Variants in GTF2H3 observed in about 807,000 individuals in gnomAD.
The protein encoded by GTF2H3 is general transcription factor IIH subunit 3, also known as TFIIH basal transcription factor complex p34 subunit.
Under a neutral mutation model 51.1 loss-of-function variants are expected in GTF2H3, and 42 were observed. The observed-to-expected ratio is 0.82, with a 90% CI of 0.64 to 1.06. The LOEUF is 1.06. Ranked by LOEUF, GTF2H3 falls within the 50% of genes least tolerant of loss-of-function variation. The pLI, the probability that GTF2H3 is intolerant of heterozygous loss-of-function variation, is 0.00. For synonymous variants in GTF2H3, 123 were observed against 123.8 expected (o/e 0.99, Z 0.04); for missense variants, 326 against 366.1 (o/e 0.89, Z 0.89).
At chr12:123,637,549 C>T (rs1955302581) in intron 1 of GTF2H3, among the ~76,000 whole-genome samples, 2 of 150,406 alleles carry the variant, frequency 1.3e-5, no homozygotes, top group Non-Finnish European at 2.9e-5. Flanking sequence ...GTCACCCAGG[C>T]TGGAGTGCAG....
At chr12:123,635,110 C>G (rs1248462552) in intron 1 of GTF2H3, among the ~76,000 whole-genome samples, 2 of 152,082 alleles carry the variant, frequency 1.3e-5, no homozygotes, top group African/African-American at 4.8e-5. Context: ...AATGAGGTAG[C>G]GAACTAAAGA....
At position 123,662,130 on chromosome 12, in the gene GTF2H3, T is replaced by G. The variant is rs1955665625; in HGVS notation, c.*1895T>G. ...AGCCTGGGCGACAAGAACAAAACTCTGTCTCAAAAAAAAAAAAAAAAAAAA... is the reference window on the plus strand; with the variant it reads ...AGCCTGGGCGACAAGAACAAAACTCGGTCTCAAAAAAAAAAAAAAAAAAAA... On this transcript the variant is annotated 3_prime_UTR_variant, in exon 13 of 13. Transcript: ENST00000543341. 1 of 124,350 alleles carries G rather than the reference T, an allele frequency of 8.0e-6. No individual in the cohort carries two copies. The highest frequency in any genetic ancestry group is 1.7e-5 in the Non-Finnish European group (1 of 59,498). 7.7% of individuals were successfully genotyped at this position (124,350 alleles called of 1,614,324 possible). A position where few individuals can be genotyped will look rare whatever the true frequency, so the allele number is the denominator to read the frequency against.
In GTF2H3 at chr12:123,656,589, G is replaced by A. The variant is rs142634119; in HGVS notation, c.615+765G>A. Among the ~76,000 whole-genome samples, 9 of 152,172 alleles carry A rather than the reference G, an allele frequency of 5.9e-5. No homozygotes were observed. The East Asian group carries it at 1.2e-3, about 20-fold the overall frequency. On this transcript the variant is annotated intron_variant, in intron 9 of 12. Coordinates refer to ENST00000543341, the MANE Select transcript of GTF2H3 (RefSeq NM_001516.5). ...GTGTACGTAGTACCTCCTCTTGGAC[G>A]TCTGGCAGGCATCTTCAGTGTCATG...
chr12:123,640,946 A>T (rs1226461378), intron 2 of GTF2H3, among the ~76,000 whole-genome samples: 1 of 152,096 alleles, frequency 6.6e-6, no homozygotes, highest in Non-Finnish European at 1.5e-5. Flanking sequence ...TTGCATGTCT[A>T]CTTGAAAAGA....
chr12:123,655,126 G>A, intron 8 of GTF2H3, 128 bp downstream of exon 8: 3 of 719,658 alleles, frequency 4.2e-6, no homozygotes, highest in Non-Finnish European at 7.2e-6. Flanking sequence ...TCCAGAATCT[G>A]TATTATGTTC....
At chr12:123,643,430 C>T (rs1955405983) in intron 2 of GTF2H3, among the ~76,000 whole-genome samples, 1 of 152,214 alleles carries the variant, frequency 6.6e-6, no homozygotes, top group African/African-American at 2.4e-5. Flanking sequence ...TGCCCTGTTA[C>T]TCCAGAAAGG....
chr12:123,657,784 A>T (rs1437795432), intron 9 of GTF2H3, among the ~76,000 whole-genome samples: 1 of 152,226 alleles, frequency 6.6e-6, no homozygotes, highest in Non-Finnish European at 1.5e-5. Flanking sequence ...AATCTAACGG[A>T]CCAACTGAAC....
At chr12:123,642,698 T>A (rs769928122) in intron 2 of GTF2H3, among the ~76,000 whole-genome samples, 16 of 152,182 alleles carry the variant, frequency 1.1e-4, no homozygotes, top group Non-Finnish European at 2.1e-4. Context: ...TTCCCCATGT[T>A]CTTATTGTCA....
At chr12:123,651,819 CAA>C (rs993644383) in intron 5 of GTF2H3, among the ~76,000 whole-genome samples, 18 of 93,884 alleles carry the variant, frequency 1.9e-4, no homozygotes, top group African/African-American at 1.6e-4. Context: ...GACTACATCT[CAA>C]AAAAAAAAAA....
At chr12:123,656,049 C>CTTTTTTTTTACT in intron 9 of GTF2H3, 1 of 397,032 alleles carries the variant, frequency 2.5e-6, no homozygotes, top group Middle Eastern at 6.9e-4. Context: ...AAGACAAAAA[C>CTTTTTTTTTACT]TGAATTTTAC....
Position 123,660,037 on chromosome 12 carries a change from A to G in GTF2H3, c.821-9A>G. ...CACCCTATTGTTTCTTTTTTTTTTTAATTTACAGTATTCTGCAATTTCAGC... is the reference window on the plus strand; with the variant it reads ...CACCCTATTGTTTCTTTTTTTTTTTGATTTACAGTATTCTGCAATTTCAGC... On this transcript the variant is annotated splice_polypyrimidine_tract_variant and intron_variant, in intron 11 of 12. Transcript: ENST00000543341. The G allele has an allele frequency of 1.3e-6, 2 of 1,582,214 alleles. No individual in the cohort carries two copies. The highest frequency in any genetic ancestry group is 2.4e-5 in the South Asian group (2 of 84,456).
At chr12:123,642,172 C>A (rs576568694) in intron 2 of GTF2H3, among the ~76,000 whole-genome samples, 37 of 116,640 alleles carry the variant, frequency 3.2e-4, no homozygotes, top group Non-Finnish European at 6.3e-4. Context: ...TTTTCTTTTT[C>A]TTTTCTTTTT....
At chr12:123,642,999 G>T (rs1316910483) in intron 2 of GTF2H3, among the ~76,000 whole-genome samples, 4 of 152,126 alleles carry the variant, frequency 2.6e-5, no homozygotes, top group Non-Finnish European at 4.4e-5. Flanking sequence ...AGCCTCCCGA[G>T]TAGCTGGGAC....
chr12:123,652,773 T>C, intron 7 of GTF2H3, 38 bp downstream of exon 7: 1 of 1,447,672 alleles, frequency 6.9e-7, no homozygotes, highest in African/African-American at 1.4e-5. Flanking sequence ...ATATGACAAC[T>C]ATAATTAGAA....
intron 2 of GTF2H3, chr12:123,639,892 T>TGCGC (rs1270659224): frequency 2.4e-6 from 1 of 411,992 alleles, no homozygotes; most frequent in Non-Finnish European, 4.7e-6. Flanking sequence ...TGTGTATGCG[T>TGCGC]GCGTGCGTGT....
rs1159133561 is a variant in GTF2H3 at position 123,662,417 on chromosome 12, A to G, written c.*2182A>G. ...TTTGTATACTAATTAAGTGTAATGG[A>G]AATCACAATTTTAAGTCTAGGAAAT... On this transcript the variant is annotated 3_prime_UTR_variant, in exon 13 of 13. Coordinates refer to ENST00000543341, the MANE Select transcript of GTF2H3 (RefSeq NM_001516.5). 1.3e-5 allele frequency: 2 copies of G among 152,132 alleles called. No homozygotes were observed. The highest frequency in any genetic ancestry group is 4.8e-5 in the African/African-American group (2 of 41,436). 9.4% of individuals were successfully genotyped at this position (152,132 alleles called of 1,614,324 possible). A position where few individuals can be genotyped will look rare whatever the true frequency, so the allele number is the denominator to read the frequency against.
chr12:123,646,756 AGAT>A (rs1373239894), intron 3 of GTF2H3, among the ~76,000 whole-genome samples: 3 of 151,936 alleles, frequency 2.0e-5, no homozygotes, highest in Non-Finnish European at 4.4e-5. Flanking sequence ...TTGGATGAAA[AGAT>A]GATATTAGTT....
chr12:123,656,744 C>T (rs1207940828), intron 9 of GTF2H3, among the ~76,000 whole-genome samples: 2 of 152,190 alleles, frequency 1.3e-5, no homozygotes, highest in Non-Finnish European at 2.9e-5. Context: ...CTTGTCTCTT[C>T]TCTTCCCTCC....
intron 9 of GTF2H3, among the ~76,000 whole-genome samples, chr12:123,656,294 C>T (rs528744526): frequency 3.3e-5 from 5 of 152,216 alleles, no homozygotes; most frequent in African/African-American, 4.8e-5. Flanking sequence ...TCAGCTTGAT[C>T]GTAGGTATAT....
Sources: gnomAD v4.1 joint callset for allele counts (sites outside exome capture counted in the v4.1 genomes callset) on GRCh38, gnomAD v4.1.1 for gene constraint, MANE v1.5 for transcripts, NCBI Gene and HGNC (gene_info 2026-07-23, HGNC 2026-07-21) for gene names.